PTPRD: variants seen among roughly 807,000 people sequenced by gnomAD.
The protein encoded by PTPRD is receptor-type tyrosine-protein phosphatase delta.
A neutral mutation model predicts 214.5 loss-of-function variants in PTPRD; 34 were observed. The observed-to-expected ratio is 0.16, with a 90% CI of 0.12 to 0.21. The LOEUF (loss-of-function observed/expected upper bound fraction) is 0.21, where lower values mean the gene tolerates loss of function less well. Among genes scored for constraint, PTPRD ranks in the 10% least tolerant of loss-of-function variants. PTPRD has a pLI of 1.00. For missense variants in PTPRD, 2,545 were observed against 2,398.7 expected, an observed-to-expected ratio of 1.06 and a Z score of -1.27; for synonymous variants, 1,128 against 845.7, an observed-to-expected ratio of 1.33 and a Z score of -5.79.
chr9:8,710,432 AT>A (rs1325294358), intron 12 of PTPRD, among the ~76,000 whole-genome samples: 13 of 152,258 alleles, frequency 8.5e-5, no homozygotes, highest in African/African-American at 3.1e-4. Context: ...CCTGGGCAAC[AT>A]GGCAAAACCC....
intron 9 of PTPRD, among the ~76,000 whole-genome samples, chr9:9,204,323 A>G (rs1319431309): frequency 6.6e-6 from 1 of 152,172 alleles, no homozygotes; most frequent in African/African-American, 2.4e-5. Context: ...CTCTTTATAT[A>G]AAGTTACTAA....
intron 2 of PTPRD, among the ~76,000 whole-genome samples, chr9:10,360,847 A>C (rs531363262): frequency 2.0e-4 from 30 of 152,316 alleles, no homozygotes; most frequent in Non-Finnish European, 4.0e-4. Flanking sequence ...TCACGCCTGT[A>C]ATCCCAGCAC....
At chr9:9,848,966 A>G (rs1359172964) in intron 5 of PTPRD, among the ~76,000 whole-genome samples, 1 of 151,980 alleles carries the variant, frequency 6.6e-6, no homozygotes, top group Non-Finnish European at 1.5e-5. Flanking sequence ...AATCCAACAT[A>G]CTTCCTAAAC....
chr9:8,382,386 A>C (rs1351579924), intron 37 of PTPRD, among the ~76,000 whole-genome samples: 1 of 152,184 alleles, frequency 6.6e-6, no homozygotes, highest in Non-Finnish European at 1.5e-5. Flanking sequence ...AGAATGAGAG[A>C]GGCTTTGTAC....
intron 5 of PTPRD, among the ~76,000 whole-genome samples, chr9:9,851,705 A>T (rs1244080777): frequency 6.6e-6 from 1 of 152,186 alleles, no homozygotes; most frequent in Admixed American, 6.5e-5. Flanking sequence ...ACTTGAACGC[A>T]GGAGGTAAAG....
chr9:8,330,838 C>G (rs1272526072), intron 44 of PTPRD, among the ~76,000 whole-genome samples: 3 of 148,026 alleles, frequency 2.0e-5, no homozygotes, highest in African/African-American at 5.3e-5. Context: ...TTTTAATAAA[C>G]TCTCTCAAGA....
chr9:9,223,014 A>G (rs1041866365), intron 9 of PTPRD, among the ~76,000 whole-genome samples: 1 of 152,038 alleles, frequency 6.6e-6, no homozygotes, highest in African/African-American at 2.4e-5. Context: ...TACTGTAACT[A>G]TATTTTTGGT....
rs566225258 is a variant in PTPRD at position 10,358,479 on chromosome 9, A to AC, written c.-599-17463dup. On this transcript the variant is annotated intron_variant, in intron 2 of 45. Transcript: ENST00000381196. ...ATTACAAATATTAGACAGTATATTT[A>AC]CTTTAGTTTGGCACCCTAGTATTTA... Among the ~76,000 whole-genome samples the AC allele has an allele frequency of 2.1e-3, 324 of 152,072 alleles. 2 individuals carry two copies. Among genetic ancestry groups the AC allele is most frequent in the African/African-American group, 6.7e-3 (280 of 41,552 alleles).
intron 8 of PTPRD, among the ~76,000 whole-genome samples, chr9:9,466,730 A>G (rs1224718067): frequency 6.6e-6 from 1 of 152,140 alleles, no homozygotes; most frequent in Non-Finnish European, 1.5e-5. Flanking sequence ...GCAAGTTTCC[A>G]TATCTATTTT....
intron 10 of PTPRD, among the ~76,000 whole-genome samples, chr9:9,173,684 A>C (rs1046186367): frequency 5.3e-5 from 8 of 152,110 alleles, no homozygotes; most frequent in South Asian, 4.1e-4. Flanking sequence ...GTAAAGTAAA[A>C]ATATGCTAGT....
intron 11 of PTPRD, among the ~76,000 whole-genome samples, chr9:8,882,344 C>T (rs562132101): frequency 2.0e-5 from 3 of 152,066 alleles, no homozygotes; most frequent in Non-Finnish European, 4.4e-5. Context: ...TTACAGATTG[C>T]AAAATTACAG....
intron 13 of PTPRD, among the ~76,000 whole-genome samples, chr9:8,633,744 G>A (rs2096333790): frequency 6.6e-6 from 1 of 152,008 alleles, no homozygotes; most frequent in African/African-American, 2.4e-5. Flanking sequence ...TGTTCATCTA[G>A]GGCAATTTGA....
At chr9:8,536,550 A>T (rs768753330) in intron 14 of PTPRD, among the ~76,000 whole-genome samples, 2 of 152,004 alleles carry the variant, frequency 1.3e-5, no homozygotes, top group African/African-American at 2.4e-5. Context: ...AGCCAGTACA[A>T]GGTAGATGAG....
At chr9:9,270,615 G>T (rs1569566294) in intron 9 of PTPRD, among the ~76,000 whole-genome samples, 1 of 151,294 alleles carries the variant, frequency 6.6e-6, no homozygotes, top group Non-Finnish European at 1.5e-5. Context: ...GGAAAAATTT[G>T]ATTCTAAGTG....
chr9:10,279,493 G>T (rs1564982473), intron 3 of PTPRD, among the ~76,000 whole-genome samples: 1 of 151,674 alleles, frequency 6.6e-6, no homozygotes, highest in Non-Finnish European at 1.5e-5. Flanking sequence ...CTTCCTACTA[G>T]ATCTGCATGT....
rs553922856 is a variant in PTPRD at position 9,226,764 on chromosome 9, A to T, written c.-202-43401T>A. 3.9e-5 allele frequency among the ~76,000 whole-genome samples: 6 copies of T among 152,174 alleles called. 1 individual carries two copies. The South Asian group carries it at 1.2e-3, about 32-fold the overall frequency. On this transcript the variant is annotated intron_variant, in intron 9 of 45. Transcript: ENST00000381196. ...AAGCTGCATGAAGGTAACCTCTCTA[A>T]CTATTCTGGTTATCATTGTATCTTT...
At chr9:10,010,257 A>G (rs914175989) in intron 4 of PTPRD, among the ~76,000 whole-genome samples, 2 of 151,952 alleles carry the variant, frequency 1.3e-5, no homozygotes, top group African/African-American at 4.8e-5. Context: ...GACTGAGTAT[A>G]GATTTTAAAT....
intron 11 of PTPRD, among the ~76,000 whole-genome samples, chr9:8,894,081 C>T (rs144676016): frequency 9.9e-5 from 15 of 152,132 alleles, no homozygotes; most frequent in South Asian, 4.2e-4. Context: ...AGGCCAGGTG[C>T]GGTGGCTCAT....
intron 4 of PTPRD, among the ~76,000 whole-genome samples, chr9:9,955,744 C>T (rs1017493507): frequency 5.3e-5 from 8 of 152,080 alleles, no homozygotes; most frequent in African/African-American, 1.7e-4. Flanking sequence ...AGGATGGTCT[C>T]GATCTCCTGA....
Sources: gnomAD v4.1 joint callset for allele counts (sites outside exome capture counted in the v4.1 genomes callset) on GRCh38, gnomAD v4.1.1 for gene constraint, MANE v1.5 for transcripts, NCBI Gene and HGNC (gene_info 2026-07-23, HGNC 2026-07-21) for gene names.